Variants in SDHAF3 observed in about 807,000 individuals in gnomAD.
The protein encoded by SDHAF3 is succinate dehydrogenase complex assembly factor 3.
Under a neutral mutation model 11.5 loss-of-function variants are expected in SDHAF3, and 18 were observed. That is an observed-to-expected ratio of 1.56 (90% CI 1.08 to 2.32). SDHAF3 has a LOEUF of 2.32. Among genes scored for constraint, SDHAF3 ranks in the 30% most tolerant of loss-of-function variants. The probability of loss-of-function intolerance (pLI) is 0.00; values close to 1 mark genes in which losing one functional copy is unlikely to be tolerated. For synonymous variants in SDHAF3, 72 were observed against 59.3 expected, an observed-to-expected ratio of 1.21 and a Z score of -0.99; for missense variants, 200 against 154.4, an observed-to-expected ratio of 1.30 and a Z score of -1.57.
intron 1 of SDHAF3, among the ~76,000 whole-genome samples, chr7:97,148,314 C>T (rs1030880012): frequency 7.2e-5 from 11 of 152,130 alleles, no homozygotes; most frequent in African/African-American, 2.7e-4. Flanking sequence ...GCGGGAGGGC[C>T]ACTTGAAGCC....
intron 1 of SDHAF3, among the ~76,000 whole-genome samples, chr7:97,144,099 G>T (rs1004055380): frequency 3.3e-5 from 5 of 152,006 alleles, no homozygotes; most frequent in Non-Finnish European, 1.5e-5. Context: ...GATGCTGAGC[G>T]TTTTTTCATA....
chr7:97,132,909 C>T (rs1791692242), intron 1 of SDHAF3, among the ~76,000 whole-genome samples: 3 of 152,238 alleles, frequency 2.0e-5, no homozygotes, highest in Middle Eastern at 3.4e-3. Flanking sequence ...CAGAAATGAT[C>T]AGATTTTTGG....
At chr7:97,176,469 T>G (rs1443997085) in intron 1 of SDHAF3, among the ~76,000 whole-genome samples, 5 of 152,212 alleles carry the variant, frequency 3.3e-5, no homozygotes, top group Admixed American at 3.3e-4. Flanking sequence ...TAGATATGCT[T>G]GGCGGGGTGA....
chr7:97,118,178 G>C (rs1401025026), intron 1 of SDHAF3, among the ~76,000 whole-genome samples: 1 of 152,182 alleles, frequency 6.6e-6, no homozygotes, highest in Non-Finnish European at 1.5e-5. Context: ...TGAGCAAGTC[G>C]TCGTTAAGTG....
intron 1 of SDHAF3, among the ~76,000 whole-genome samples, chr7:97,153,465 G>T (rs1339444961): frequency 6.6e-6 from 1 of 152,184 alleles, no homozygotes; most frequent in African/African-American, 2.4e-5. Context: ...GGATATCCTG[G>T]TTGCTTCCAA....
chr7:97,135,165 C>G (rs139128880), intron 1 of SDHAF3: 182 of 152,074 alleles, frequency 1.2e-3, no homozygotes, highest in African/African-American at 4.0e-3. Flanking sequence ...TGAGCTTTAC[C>G]CCCTTATTAT....
chr7:97,172,028 C>T (rs10235199), intron 1 of SDHAF3, among the ~76,000 whole-genome samples: 93,074 of 151,884 alleles, frequency 0.61, 28,586 homozygotes, highest in Middle Eastern at 0.64. Flanking sequence ...CTTTCCCTTT[C>T]ATTTAGTTAC....
At chr7:97,146,760 A>AGT (rs1005517387) in intron 1 of SDHAF3, among the ~76,000 whole-genome samples, 9 of 151,846 alleles carry the variant, frequency 5.9e-5, no homozygotes, top group Non-Finnish European at 1.3e-4. Context: ...AATTATAAAT[A>AGT]GTTAAGCCCA....
At chr7:97,155,773 TGTA>T (rs1789291747) in intron 1 of SDHAF3, among the ~76,000 whole-genome samples, 1 of 152,052 alleles carries the variant, frequency 6.6e-6, no homozygotes, top group African/African-American at 2.4e-5. Context: ...TTTCTAGAAT[TGTA>T]GTCTCTAAAC....
chr7:97,162,395 G>C (rs1466743925), intron 1 of SDHAF3, among the ~76,000 whole-genome samples: 1 of 151,906 alleles, frequency 6.6e-6, no homozygotes, highest in African/African-American at 2.4e-5. Flanking sequence ...GTTCTGCTCT[G>C]ATCTTAGTTA....
At position 97,138,758 on chromosome 7, in the gene SDHAF3, A is replaced by G. The variant is rs371963225; in HGVS notation, c.174+20861A>G. Among the ~76,000 whole-genome samples the G allele has an allele frequency of 1.1e-3, 164 of 152,348 alleles. 5 individuals carry two copies. In the South Asian group the frequency reaches 0.033, roughly 31 times the overall value. On this transcript the variant is annotated intron_variant, in intron 1 of 1. Coordinates refer to ENST00000432641, the MANE Select transcript of SDHAF3 (RefSeq NM_020186.3). ...GTGCCTTACACGTAGTAAGTGTTCC[A>G]CAAATGTTAGATATTTTAGCTTTAA...
At chr7:97,128,702 A>G (rs1007080508) in intron 1 of SDHAF3, among the ~76,000 whole-genome samples, 1 of 152,188 alleles carries the variant, frequency 6.6e-6, no homozygotes, top group Non-Finnish European at 1.5e-5. Flanking sequence ...AAAATATGGG[A>G]AAGAATATGT....
At chr7:97,123,844 T>A (rs1443346989) in intron 1 of SDHAF3, among the ~76,000 whole-genome samples, 2 of 88,890 alleles carry the variant, frequency 2.2e-5, no homozygotes, top group Non-Finnish European at 5.5e-5. Context: ...TTTGGATGGG[T>A]TTTTTTTTTT....
chr7:97,167,745 G>A (rs773173025), intron 1 of SDHAF3, among the ~76,000 whole-genome samples: 16 of 152,126 alleles, frequency 1.1e-4, no homozygotes, highest in Non-Finnish European at 2.4e-4. Flanking sequence ...ACTGGGTGGG[G>A]GGCCCACAGA....
At chr7:97,137,440 G>A (rs762162294) in intron 1 of SDHAF3, among the ~76,000 whole-genome samples, 31 of 152,150 alleles carry the variant, frequency 2.0e-4, no homozygotes, top group Non-Finnish European at 4.1e-4. Context: ...GATCAGGAGC[G>A]GAGGTTTCAA....
chr7:97,150,725 G>A (rs748633423), intron 1 of SDHAF3, among the ~76,000 whole-genome samples: 6 of 151,560 alleles, frequency 4.0e-5, no homozygotes, highest in Admixed American at 6.6e-5. Flanking sequence ...CACCACACCC[G>A]GATAATTTTT....
chr7:97,132,518 A>G lies in SDHAF3; in HGVS notation c.174+14621A>G, dbSNP rs551436186. Among the ~76,000 whole-genome samples the G allele has an allele frequency of 5.3e-5, 8 of 152,334 alleles. No individual in the cohort carries two copies. In the South Asian group the frequency reaches 1.2e-3, roughly 24 times the overall value. On this transcript the variant is annotated intron_variant, in intron 1 of 1. Transcript: ENST00000432641. ...GTCTAGTATTATGTCTTGTTAAGCA[A>G]TGTGAATAATCTTATGTTTAATTTC...
At chr7:97,135,668 G>GTGTGTGTATATATATATATA (rs1491487810) in intron 1 of SDHAF3, 1 of 63,932 alleles carries the variant, frequency 1.6e-5, no homozygotes, top group African/African-American at 7.1e-5. Context: ...GTGTGTGTGT[G>GTGTGTGTATATATATATATA]TATATATATA....
chr7:97,176,602 C>A (rs984915085), intron 1 of SDHAF3, among the ~76,000 whole-genome samples: 7 of 152,116 alleles, frequency 4.6e-5, no homozygotes, highest in African/African-American at 1.7e-4. Flanking sequence ...AATGCTGTTG[C>A]AAGTACATGG....
Sources: allele counts gnomAD v4.1 joint callset (sites outside exome capture counted in the v4.1 genomes callset), GRCh38; gene constraint gnomAD v4.1.1; transcripts MANE v1.5; gene names NCBI Gene and HGNC (gene_info 2026-07-23, HGNC 2026-07-21).